Variants in TBCK observed in about 807,000 individuals in gnomAD.
TBCK encodes the protein TBC1 domain containing kinase.
TBCK carries 99 observed loss-of-function variants against 113.4 expected under a neutral mutation model. The observed-to-expected ratio is 0.87, with a 90% CI of 0.74 to 1.03. TBCK has a LOEUF of 1.03. Ranked by LOEUF, TBCK falls within the 50% of genes least tolerant of loss-of-function variation. The pLI is 0.00. For synonymous variants in TBCK, 369 were observed against 370.8 expected (o/e 1.00, Z 0.05); for missense variants, 1,045 against 1,061.3 (o/e 0.98, Z 0.21).
rs760461290 is a variant in TBCK at position 106,116,260 on chromosome 4, T to C, written c.2354A>G (p.Lys785Arg). ...TVTGHFKTPS[K>R]KTKSSKPKLL... ...CTTTGGTTTACTGGACTTTGTTTTC[T>C]TGCTGGGTGTTTTGAAGTGGCCTGT... Residue 785 changes from lysine to arginine, a missense_variant, in exon 24 of 26, where the codon AAG (lysine) becomes AGG (arginine). Coordinates refer to ENST00000394708, the MANE Select transcript of TBCK (RefSeq NM_001163435.3). The C allele has an allele frequency of 6.8e-6, 11 of 1,614,138 alleles. No individual in the cohort carries two copies. In the East Asian group the frequency reaches 2.2e-4, roughly 33 times the overall value.
chr4:106,204,680 T>G (rs899258658), intron 20 of TBCK, among the ~76,000 whole-genome samples: 9 of 151,886 alleles, frequency 5.9e-5, no homozygotes, highest in Non-Finnish European at 5.9e-5. Context: ...TGGGTAATCA[T>G]CTGTGAGCTA....
intron 3 of TBCK, 96 bp downstream of exon 3, chr4:106,294,998 G>A (rs1766129900): frequency 2.2e-6 from 2 of 925,884 alleles, no homozygotes; most frequent in African/African-American, 1.6e-5. Flanking sequence ...CATTAAACAA[G>A]TAACAAAAGA....
chr4:106,208,949 C>T (rs1185923316), intron 20 of TBCK, among the ~76,000 whole-genome samples: 1 of 152,174 alleles, frequency 6.6e-6, no homozygotes, highest in Non-Finnish European at 1.5e-5. Flanking sequence ...CCTGGCTCAG[C>T]CGCAGAGCAA....
chr4:106,044,486 A>T lies in TBCK; in HGVS notation c.*2084T>A, dbSNP rs962775963. On this transcript the variant is annotated 3_prime_UTR_variant, in exon 26 of 26. Coordinates refer to ENST00000394708, the MANE Select transcript of TBCK (RefSeq NM_001163435.3). ...TAACTATGGATTATATTAGTGTCTTAGAAATACATAGTAGGTATTCAAAAC... is the reference window on the plus strand; with the variant it reads ...TAACTATGGATTATATTAGTGTCTTTGAAATACATAGTAGGTATTCAAAAC... The T allele has an allele frequency of 6.6e-6, 1 of 152,232 alleles. No homozygotes were observed. The highest frequency in any genetic ancestry group is 1.5e-5 in the Non-Finnish European group (1 of 68,040). The allele number at this position is 152,232 out of a possible 1,614,324, so 9.4% of individuals were successfully genotyped here.
chr4:106,123,356 C>T (rs1231295837), intron 23 of TBCK, among the ~76,000 whole-genome samples: 1 of 152,128 alleles, frequency 6.6e-6, no homozygotes, highest in Non-Finnish European at 1.5e-5. Context: ...CAAATCACTG[C>T]TCAAGGAAAT....
At chr4:106,098,454 C>T (rs1741180648) in intron 24 of TBCK, among the ~76,000 whole-genome samples, 2 of 152,098 alleles carry the variant, frequency 1.3e-5, no homozygotes, top group South Asian at 4.1e-4. Context: ...CCAACAATGA[C>T]ATTACAATTT....
At chr4:106,223,005 C>A (rs755040087) in intron 19 of TBCK, among the ~76,000 whole-genome samples, 1 of 152,042 alleles carries the variant, frequency 6.6e-6, no homozygotes, top group Non-Finnish European at 1.5e-5. Flanking sequence ...TAATAGTTAT[C>A]ATAATAATAT....
At chr4:106,135,342 T>C (rs1746432358) in intron 23 of TBCK, among the ~76,000 whole-genome samples, 1 of 152,016 alleles carries the variant, frequency 6.6e-6, no homozygotes, top group African/African-American at 2.4e-5. Context: ...GATAAGGAAA[T>C]TCAGGTGCAG....
chr4:106,244,287 T>A (rs1760508319), intron 11 of TBCK, among the ~76,000 whole-genome samples: 3 of 152,160 alleles, frequency 2.0e-5, no homozygotes, highest in African/African-American at 7.2e-5. Flanking sequence ...TAGTTTTTAG[T>A]TAACTGTCTT....
At position 106,267,845 on chromosome 4, in the gene TBCK, T is replaced by C. The variant is rs146234690; in HGVS notation, c.267-5633A>G. On this transcript the variant is annotated intron_variant, in intron 3 of 25. Transcript: ENST00000394708. ...TCTTCATGATTAAATCGTCCATAAA[T>C]CATCTCTAGTTGTTGGTTAAAACAT... Among the ~76,000 whole-genome samples the C allele has an allele frequency of 1.1e-3, 170 of 152,122 alleles. 5 individuals carry two copies. The East Asian group carries it at 0.026, about 23-fold the overall frequency.
chr4:106,208,041 G>C (rs1356761139), intron 20 of TBCK, among the ~76,000 whole-genome samples: 1 of 152,176 alleles, frequency 6.6e-6, no homozygotes, highest in Non-Finnish European at 1.5e-5. Context: ...GCAATGAGTG[G>C]TTGGGGGTCA....
chr4:106,245,662 G>A (rs1017748182), intron 10 of TBCK, among the ~76,000 whole-genome samples: 4 of 152,054 alleles, frequency 2.6e-5, no homozygotes, highest in Non-Finnish European at 5.9e-5. Context: ...GAATGCTCCC[G>A]ACTGAAAATA....
intron 23 of TBCK, among the ~76,000 whole-genome samples, chr4:106,157,368 G>A (rs775899487): frequency 6.6e-6 from 1 of 152,050 alleles, no homozygotes; most frequent in Non-Finnish European, 1.5e-5. Flanking sequence ...AACAGGTTAC[G>A]TGCCTCCTTA....
At chr4:106,215,812 C>G (rs1411787490) in intron 19 of TBCK, among the ~76,000 whole-genome samples, 3 of 151,376 alleles carry the variant, frequency 2.0e-5, no homozygotes, top group Admixed American at 6.6e-5. Flanking sequence ...ATCAACGAGA[C>G]AGAAAGTCAA....
chr4:106,193,463 T>C, intron 22 of TBCK, 146 bp downstream of exon 22: 2 of 743,304 alleles, frequency 2.7e-6, no homozygotes, highest in Non-Finnish European at 4.3e-6. Flanking sequence ...AAGCAGTATA[T>C]GAGAGAAAGA....
upstream of TBCK, chr4:106,316,340 A>C: frequency 1.8e-6 from 1 of 571,354 alleles, no homozygotes. Flanking sequence ...GCGAGAGAGA[A>C]AGAGGTGCGG....
chr4:106,066,947 T>G (rs1736714464), intron 25 of TBCK, among the ~76,000 whole-genome samples: 1 of 152,154 alleles, frequency 6.6e-6, no homozygotes, highest in African/African-American at 2.4e-5. Flanking sequence ...TTTCCACCTT[T>G]GACTTGTCAA....
chr4:106,063,889 T>G (rs1305299055), intron 25 of TBCK, among the ~76,000 whole-genome samples: 2 of 151,922 alleles, frequency 1.3e-5, no homozygotes, highest in East Asian at 1.9e-4. Flanking sequence ...TCTCCAGAAC[T>G]GTGAGAAATA....
intron 25 of TBCK, among the ~76,000 whole-genome samples, chr4:106,047,344 G>A (rs748815124): frequency 2.0e-5 from 3 of 152,112 alleles, no homozygotes; most frequent in Non-Finnish European, 4.4e-5. Context: ...CTTATTCTTT[G>A]CACTTTATGA....
Sources: gnomAD v4.1 joint callset for allele counts (sites outside exome capture counted in the v4.1 genomes callset) on GRCh38, gnomAD v4.1.1 for gene constraint, MANE v1.5 for transcripts, NCBI Gene and HGNC (gene_info 2026-07-23, HGNC 2026-07-21) for gene names.